ZDHHC21: variants seen among roughly 807,000 people sequenced by gnomAD.
ZDHHC21 encodes the protein palmitoyltransferase ZDHHC21.
In ZDHHC21, 15 loss-of-function variants were observed where a neutral mutation model predicts 34.6. The observed-to-expected ratio is 0.43, with a 90% CI of 0.29 to 0.67. The LOEUF (loss-of-function observed/expected upper bound fraction) is 0.67, where lower values mean the gene tolerates loss of function less well. Among genes scored for constraint, ZDHHC21 ranks in the 30% least tolerant of loss-of-function variants. The pLI, the probability that ZDHHC21 is intolerant of heterozygous loss-of-function variation, is 0.14. For missense variants in ZDHHC21, 344 were observed against 327.7 expected (o/e 1.05, Z -0.38); for synonymous variants, 142 against 101.8 (o/e 1.40, Z -2.38).
chr9:14,671,135 T>G (rs1244202093), intron 5 of ZDHHC21, among the ~76,000 whole-genome samples: 1 of 151,982 alleles, frequency 6.6e-6, no homozygotes, highest in Non-Finnish European at 1.5e-5. Context: ...AAAGGCAAAC[T>G]CCATGACTGA....
the ZDHHC21 span, among the ~76,000 whole-genome samples, chr9:14,591,611 T>G: frequency 6.6e-6 from 1 of 152,200 alleles, no homozygotes; most frequent in Non-Finnish European, 1.5e-5. Context: ...TGTAAATGGC[T>G]TAAGTCAGCA....
intron 7 of ZDHHC21, among the ~76,000 whole-genome samples, chr9:14,656,691 C>T (rs1372330733): frequency 6.6e-6 from 1 of 151,870 alleles, no homozygotes; most frequent in Admixed American, 6.6e-5. Flanking sequence ...AAGTAACTGT[C>T]AGATCCCTAG....
chr9:14,665,827 C>T (rs1184133475), intron 5 of ZDHHC21, among the ~76,000 whole-genome samples: 1 of 148,318 alleles, frequency 6.7e-6, no homozygotes, highest in Non-Finnish European at 1.5e-5. Context: ...CAGGCCTGCC[C>T]TAAAAGAGCT....
the ZDHHC21 span, chr9:14,593,847 C>T: frequency 6.6e-6 from 1 of 152,544 alleles, no homozygotes; most frequent in African/African-American, 2.4e-5. Flanking sequence ...AGGGCAAGTG[C>T]TTCTAGACCA....
At chr9:14,651,695 CT>C (rs1350679144) in intron 7 of ZDHHC21, among the ~76,000 whole-genome samples, 1 of 151,848 alleles carries the variant, frequency 6.6e-6, no homozygotes, top group East Asian at 1.9e-4. Context: ...TGGTACTTTC[CT>C]TCATATTTAA....
At chr9:14,688,549 C>A (rs986883736) in intron 2 of ZDHHC21, among the ~76,000 whole-genome samples, 1 of 146,958 alleles carries the variant, frequency 6.8e-6, no homozygotes, top group Non-Finnish European at 1.5e-5. Context: ...ACAGCCAGAC[C>A]TAGCCACTAG....
intron 2 of ZDHHC21, among the ~76,000 whole-genome samples, chr9:14,684,985 A>T (rs557793373): frequency 1.1e-3 from 160 of 152,364 alleles, no homozygotes; most frequent in Non-Finnish European, 1.6e-3. Context: ...GGTGTTGGGA[A>T]AACTGGATAG....
intron 8 of ZDHHC21, among the ~76,000 whole-genome samples, chr9:14,637,264 G>C (rs754008928): frequency 1.3e-5 from 2 of 151,862 alleles, no homozygotes; most frequent in Non-Finnish European, 2.9e-5. Flanking sequence ...AGATTATTAT[G>C]AACAACTATA....
At chr9:14,674,464 A>T in intron 3 of ZDHHC21, 79 bp from the exon 4 acceptor site, 2 of 823,306 alleles carry the variant, frequency 2.4e-6, no homozygotes, top group Non-Finnish European at 3.7e-6. Context: ...AACTTTTATA[A>T]AATGACATTG....
chr9:14,638,445 A>G (rs911988399), intron 8 of ZDHHC21, among the ~76,000 whole-genome samples: 1 of 152,102 alleles, frequency 6.6e-6, no homozygotes, highest in Admixed American at 6.6e-5. Flanking sequence ...AAACTACCAG[A>G]GGAAAACTTA....
At chr9:14,688,054 T>C (rs1424664039) in intron 2 of ZDHHC21, among the ~76,000 whole-genome samples, 4 of 150,982 alleles carry the variant, frequency 2.6e-5, no homozygotes, top group African/African-American at 9.9e-5. Context: ...CAAGCTCTCA[T>C]TGCCAATTAG....
chr9:14,672,070 A>G (rs940234656), intron 5 of ZDHHC21, among the ~76,000 whole-genome samples: 1 of 152,150 alleles, frequency 6.6e-6, no homozygotes, highest in African/African-American at 2.4e-5. Context: ...AAATTGCCTC[A>G]TATTTAGTGG....
At chr9:14,646,959 CAAATATTTATT>C (rs1321532971) in intron 7 of ZDHHC21, among the ~76,000 whole-genome samples, 1 of 151,920 alleles carries the variant, frequency 6.6e-6, no homozygotes, top group African/African-American at 2.4e-5. Flanking sequence ...TCCAGCTCAA[CAAATATTTATT>C]AAATGAATGA....
In ZDHHC21 at chr9:14,612,832, C is replaced by T. The variant is rs1295289484; in HGVS notation, c.*6134G>A. The T allele has an allele frequency of 7.6e-6, 1 of 132,042 alleles. No individual in the cohort carries two copies. The highest frequency in any genetic ancestry group is 2.9e-5 in the African/African-American group (1 of 34,742). 8.2% of individuals were successfully genotyped at this position (132,042 alleles called of 1,614,324 possible). A position where few individuals can be genotyped will look rare whatever the true frequency, so the allele number is the denominator to read the frequency against. ...CAAATGGCAATATTATTCTTTAAAG[C>T]CACTAAAGATTACACACACACACAC... On this transcript the variant is annotated 3_prime_UTR_variant, in exon 10 of 10. Coordinates refer to ENST00000380916, the MANE Select transcript of ZDHHC21 (RefSeq NM_178566.6).
chr9:14,626,030 A>G (rs918213769), intron 8 of ZDHHC21, among the ~76,000 whole-genome samples: 14 of 152,016 alleles, frequency 9.2e-5, no homozygotes, highest in African/African-American at 3.4e-4. Context: ...TTTTGTAGAA[A>G]TAAGTCTCGC....
the ZDHHC21 span, among the ~76,000 whole-genome samples, chr9:14,603,082 T>C: frequency 1.2e-3 from 177 of 152,174 alleles, 3 homozygotes; most frequent in African/African-American, 4.2e-3. Flanking sequence ...AGGAAACTTT[T>C]TGGGTGATTG....
chr9:14,676,102 G>C (rs1042018619), intron 3 of ZDHHC21, among the ~76,000 whole-genome samples: 1 of 152,010 alleles, frequency 6.6e-6, no homozygotes, highest in Non-Finnish European at 1.5e-5. Context: ...GACGAAATGT[G>C]TACCGTGAAT....
chr9:14,650,269 T>C (rs561363245), intron 7 of ZDHHC21, among the ~76,000 whole-genome samples: 4 of 151,744 alleles, frequency 2.6e-5, no homozygotes, highest in African/African-American at 9.7e-5. Flanking sequence ...GCAAAAAAAA[T>C]AAAAAATGTT....
At chr9:14,665,601 A>G (rs1834282325) in intron 5 of ZDHHC21, among the ~76,000 whole-genome samples, 1 of 147,018 alleles carries the variant, frequency 6.8e-6, no homozygotes, top group Non-Finnish European at 1.5e-5. Flanking sequence ...CCAGAGAGAA[A>G]GGTCGGGTTA....
Sources: allele counts gnomAD v4.1 joint callset (sites outside exome capture counted in the v4.1 genomes callset), GRCh38; gene constraint gnomAD v4.1.1; transcripts MANE v1.5; gene names NCBI Gene and HGNC (gene_info 2026-07-23, HGNC 2026-07-21).